AP3S1: variants seen among roughly 807,000 people sequenced by gnomAD.
The protein encoded by AP3S1 is adaptor related protein complex 3 subunit sigma 1.
Under a neutral mutation model 21.3 loss-of-function variants are expected in AP3S1, and 12 were observed. That is an observed-to-expected ratio of 0.56 (90% confidence interval 0.36 to 0.91). AP3S1 has a LOEUF of 0.91. AP3S1 is among the 40% of genes least tolerant of loss of function. AP3S1 has a pLI of 0.01. For missense variants in AP3S1, 116 were observed against 225.0 expected (o/e 0.52, Z 3.10); for synonymous variants, 48 against 78.4 (o/e 0.61, Z 2.05).
chr5:115,894,159 T>A (rs1043104242), intron 3 of AP3S1, among the ~76,000 whole-genome samples: 1 of 152,208 alleles, frequency 6.6e-6, no homozygotes, highest in African/African-American at 2.4e-5. Context: ...AAGACTCCAG[T>A]TGCAAGCTGT....
intron 3 of AP3S1, among the ~76,000 whole-genome samples, chr5:115,883,066 A>T (rs1749450647): frequency 6.6e-6 from 1 of 152,232 alleles, no homozygotes; most frequent in Non-Finnish European, 1.5e-5. Flanking sequence ...AAGCTCCAGC[A>T]TCCCAGGTTG....
At chr5:115,911,626 A>G (rs537813677) in intron 5 of AP3S1, among the ~76,000 whole-genome samples, 63 of 152,188 alleles carry the variant, frequency 4.1e-4, no homozygotes, top group African/African-American at 1.4e-3. Flanking sequence ...AAGCCAAAAG[A>G]TGGTAAACCT....
chr5:115,845,695 A>G (rs560438312), intron 1 of AP3S1, among the ~76,000 whole-genome samples: 18 of 151,990 alleles, frequency 1.2e-4, no homozygotes, highest in African/African-American at 4.3e-4. Flanking sequence ...TTAGCCAGGC[A>G]TGGTAGCGCA....
At chr5:115,854,543 C>T (rs567706324) in intron 1 of AP3S1, among the ~76,000 whole-genome samples, 2 of 152,268 alleles carry the variant, frequency 1.3e-5, no homozygotes, top group South Asian at 4.1e-4. Context: ...TGCCCATGTA[C>T]ACAGAGTCTC....
Position 115,882,984 on chromosome 5 carries a change from G to A in AP3S1, c.274-12103G>A, listed in dbSNP as rs560801109. Among the ~76,000 whole-genome samples the A allele has an allele frequency of 7.2e-5, 11 of 152,296 alleles. No homozygotes were observed. In the South Asian group the frequency reaches 1.5e-3, roughly 20 times the overall value. On this transcript the variant is annotated intron_variant, in intron 3 of 5. Coordinates refer to ENST00000316788, the MANE Select transcript of AP3S1 (RefSeq NM_001284.4). ...CTCTGCCCAGTTTGAACTTCCAGGT[G>A]GGTTTGTTTACACTGTGAGGGGTAA...
chr5:115,883,419 A>G (rs1749484739), intron 3 of AP3S1, among the ~76,000 whole-genome samples: 2 of 152,194 alleles, frequency 1.3e-5, no homozygotes, highest in South Asian at 4.1e-4. Flanking sequence ...ACCATCCCTC[A>G]CAGCACAGTC....
intron 3 of AP3S1, among the ~76,000 whole-genome samples, chr5:115,875,708 T>C (rs1242588933): frequency 1.3e-5 from 2 of 152,172 alleles, no homozygotes; most frequent in Non-Finnish European, 2.9e-5. Flanking sequence ...CCCAGGATCA[T>C]TTTAGGAAAA....
At chr5:115,882,016 A>G (rs1031874547) in intron 3 of AP3S1, among the ~76,000 whole-genome samples, 19 of 151,692 alleles carry the variant, frequency 1.3e-4, no homozygotes, top group Admixed American at 1.2e-3. Context: ...TGTGTGCTTC[A>G]TGAAGTTCTC....
intron 5 of AP3S1, among the ~76,000 whole-genome samples, chr5:115,907,568 T>C (rs1394581736): frequency 2.6e-5 from 4 of 152,126 alleles, no homozygotes. Flanking sequence ...AATTACCAAA[T>C]TACCAAATCA....
At chr5:115,873,168 T>C (rs1409116520) in intron 3 of AP3S1, among the ~76,000 whole-genome samples, 1 of 152,180 alleles carries the variant, frequency 6.6e-6, no homozygotes, top group African/African-American at 2.4e-5. Flanking sequence ...TTTGATGCTG[T>C]TGTTGATCTT....
chr5:115,857,223 G>C (rs1460190010), intron 1 of AP3S1, among the ~76,000 whole-genome samples: 1 of 152,164 alleles, frequency 6.6e-6, no homozygotes, highest in Admixed American at 6.5e-5. Context: ...TAGAATTGTA[G>C]AGCTGACTTT....
rs146899122 is a variant in AP3S1, at chr5:115,905,015, A to G, written c.453+2023A>G. ...TGGTGGTCCTTCTTTTTCTTCTGCT[A>G]CTTAAGACATTTATGCCTGGTGTTC... On this transcript the variant is annotated intron_variant, in intron 5 of 5. Coordinates refer to ENST00000316788, the MANE Select transcript of AP3S1 (RefSeq NM_001284.4). 1.8e-4 allele frequency among the ~76,000 whole-genome samples: 28 copies of G among 152,306 alleles called. No homozygotes were observed. In the East Asian group the frequency reaches 3.5e-3, roughly 19 times the overall value.
chr5:115,871,666 C>A (rs1250871243), intron 3 of AP3S1, among the ~76,000 whole-genome samples: 1 of 152,056 alleles, frequency 6.6e-6, no homozygotes, highest in Non-Finnish European at 1.5e-5. Flanking sequence ...CACACCCATA[C>A]ATCTGAACAT....
chr5:115,910,632 C>T (rs1752025237), intron 5 of AP3S1, among the ~76,000 whole-genome samples: 1 of 152,054 alleles, frequency 6.6e-6, no homozygotes, highest in Non-Finnish European at 1.5e-5. Context: ...GCATCACTTT[C>T]ATGAATGTCT....
intron 1 of AP3S1, among the ~76,000 whole-genome samples, chr5:115,861,860 C>CCTTTT (rs1554065851): frequency 1.7e-5 from 2 of 120,122 alleles, no homozygotes; most frequent in African/African-American, 3.3e-5. Context: ...ATTTTCTTTT[C>CCTTTT]TTTTCTTTTT....
intron 1 of AP3S1, among the ~76,000 whole-genome samples, chr5:115,857,420 C>T (rs1403667253): frequency 6.6e-6 from 1 of 152,152 alleles, no homozygotes. Flanking sequence ...AAAACTCAGG[C>T]ACAGAGAGGA....
intron 4 of AP3S1, among the ~76,000 whole-genome samples, chr5:115,896,200 A>G (rs546787314): frequency 2.0e-5 from 3 of 152,340 alleles, no homozygotes; most frequent in Admixed American, 1.3e-4. Flanking sequence ...TGTATAGTAC[A>G]TGTAACCAGC....
intron 1 of AP3S1, among the ~76,000 whole-genome samples, chr5:115,849,889 T>C (rs1348979500): frequency 6.6e-6 from 1 of 151,644 alleles, no homozygotes; most frequent in Admixed American, 6.6e-5. Context: ...AGGGCCCCTG[T>C]CTTCTAAAAA....
At chr5:115,911,401 A>G (rs142146866) in intron 5 of AP3S1, among the ~76,000 whole-genome samples, 105 of 152,116 alleles carry the variant, frequency 6.9e-4, no homozygotes, top group African/African-American at 2.4e-3. Flanking sequence ...ACACCTTTAA[A>G]ATATTTATAC....
Sources: gnomAD v4.1 joint callset for allele counts (sites outside exome capture counted in the v4.1 genomes callset) on GRCh38, gnomAD v4.1.1 for gene constraint, MANE v1.5 for transcripts, NCBI Gene and HGNC (gene_info 2026-07-23, HGNC 2026-07-21) for gene names.